RNF213: variants seen among roughly 807,000 people sequenced by gnomAD.
RNF213 encodes the protein ring finger protein 213, also known as E3 ubiquitin-protein ligase RNF213.
Under a neutral mutation model 514.4 loss-of-function variants are expected in RNF213, and 341 were observed. The observed-to-expected ratio is 0.66, with a 90% CI of 0.61 to 0.73. The LOEUF is 0.73. RNF213 is among the 30% of genes least tolerant of loss of function. The pLI is 0.00. For synonymous variants in RNF213, 2,655 were observed against 2,658.2 expected (o/e 1.00, Z 0.04); for missense variants, 5,767 against 6,615.6 (o/e 0.87, Z 4.45).
At chr17:80,304,589 G>A (rs180815319) in intron 11 of RNF213, among the ~76,000 whole-genome samples, 21 of 151,274 alleles carry the variant, frequency 1.4e-4, no homozygotes, top group East Asian at 5.9e-4. Flanking sequence ...GCAGTGAGCC[G>A]AGATCACACC....
Position 80,315,289 on chromosome 17 carries a change from T to C in RNF213, c.2812-1899T>C. On this transcript the variant is annotated intron_variant, in intron 15 of 67. Coordinates refer to ENST00000582970, the MANE Select transcript of RNF213 (RefSeq NM_001256071.3). The stretch of plus-strand genomic sequence containing the variant: ...GAGGTAATGGAGGTGATGGTGGTGG[T>C]GGTGGTGGAGGTAATGGAGGTGATG... Among the ~76,000 whole-genome samples, 3 of 61,036 alleles carry C rather than the reference T, an allele frequency of 4.9e-5. 1 individual carries two copies. The highest frequency in any genetic ancestry group is 6.0e-5 in the Non-Finnish European group (2 of 33,588). 40.0% of individuals were successfully genotyped at this position (61,036 alleles called of 152,430 possible).
chr17:80,371,575 A>G (rs1488015286), intron 46 of RNF213: 1 of 208,506 alleles, frequency 4.8e-6, no homozygotes, highest in Non-Finnish European at 9.6e-6. Context: ...ATAATTCCTA[A>G]TATCATAAAT....
intron 55 of RNF213, chr17:80,379,932 C>G (rs142517970): frequency 2.3e-4 from 133 of 585,460 alleles, no homozygotes; most frequent in African/African-American, 2.3e-3. Context: ...GCAAAGCAGG[C>G]TACCCTTTAA....
At position 80,325,102 on chromosome 17, in the gene RNF213, A is replaced by T; in HGVS notation, c.3097A>T (p.Ile1033Phe). 6.5e-7 allele frequency: 1 copy of T among 1,537,156 alleles called. No individual in the cohort carries two copies. The highest frequency in any genetic ancestry group is 8.7e-7 in the Non-Finnish European group (1 of 1,146,904). ...RKFGIVLSAV[I>F]TKSWPRTADN... ...ATTTGGCATCGTCTTGTCTGCTGTGATCACTAAGTCCTGGCCTAGGACCGC... is the reference window on the plus strand; with the variant it reads ...ATTTGGCATCGTCTTGTCTGCTGTGTTCACTAAGTCCTGGCCTAGGACCGC... The change falls in exon 18 of 68, where the codon ATC becomes TTC. Residue 1033 changes from isoleucine (I) to phenylalanine (F), a missense_variant. Coordinates refer to ENST00000582970, the MANE Select transcript of RNF213 (RefSeq NM_001256071.3).
chr17:80,276,085 A>AT (rs2044044926), intron 3 of RNF213, among the ~76,000 whole-genome samples: 1 of 144,442 alleles, frequency 6.9e-6, no homozygotes, highest in Non-Finnish European at 1.5e-5. Flanking sequence ...TTATTTATTT[A>AT]TTTTTTGTTT....
chr17:80,273,619 T>C (rs2043909365), intron 3 of RNF213, among the ~76,000 whole-genome samples: 1 of 141,286 alleles, frequency 7.1e-6, no homozygotes, highest in African/African-American at 2.9e-5. Flanking sequence ...CCGTCTTTTT[T>C]TTTTTTTTTT....
chr17:80,295,829 G>A lies in RNF213; in HGVS notation c.2012+16G>A, dbSNP rs755899266. The A allele has an allele frequency of 3.1e-6, 5 of 1,613,642 alleles. No homozygotes were observed. The East Asian group carries it at 1.1e-4, about 36-fold the overall frequency. ...TACCTCAGAGGTATTATTATTTTTT[G>A]TCAAAATGTTTTTTATAGCTATTAT... On this transcript the variant is annotated intron_variant, in intron 10 of 67. Transcript: ENST00000582970.
At chr17:80,366,784 C>A (rs1206685429) in intron 42 of RNF213, among the ~76,000 whole-genome samples, 1 of 152,032 alleles carries the variant, frequency 6.6e-6, no homozygotes, top group Admixed American at 6.6e-5. Flanking sequence ...AAAGAAATAC[C>A]CTTGTCAAAC....
At chr17:80,285,300 T>C (rs80129570) in intron 3 of RNF213, among the ~76,000 whole-genome samples, 8,440 of 152,290 alleles carry the variant, frequency 0.055, 340 homozygotes, top group East Asian at 0.2. Flanking sequence ...CCAGCCATTG[T>C]AGCATGGGGT....
At chr17:80,364,381 G>C (rs1329099738) in intron 41 of RNF213, 52 bp from the exon 42 acceptor site, 7 of 1,612,964 alleles carry the variant, frequency 4.3e-6, no homozygotes, top group Non-Finnish European at 5.1e-6. Flanking sequence ...TTCACCCTTG[G>C]GTTCCTTGGT....
chr17:80,384,632 G>A (rs571787570), intron 59 of RNF213, among the ~76,000 whole-genome samples: 2 of 152,236 alleles, frequency 1.3e-5, no homozygotes, highest in African/African-American at 2.4e-5. Flanking sequence ...TCACTACGTC[G>A]AAGATGCTTA....
At position 80,332,580 on chromosome 17, in the gene RNF213, G is replaced by A; in HGVS notation, c.4092G>A (p.Glu1364=). The A allele has an allele frequency of 6.5e-7, 1 of 1,532,870 alleles. No homozygotes were observed. Among genetic ancestry groups the A allele is most frequent in the Non-Finnish European group, 8.7e-7 (1 of 1,143,998 alleles). The allele number at this position is 1,532,870 out of a possible 1,614,324, so 95.0% of individuals were successfully genotyped here. The change falls in exon 21 of 68, where the codon GAG becomes GAA. Residue 1364 remains glutamate (E), a synonymous_variant. Coordinates refer to ENST00000582970, the MANE Select transcript of RNF213 (RefSeq NM_001256071.3). ...CCAAGGTCATCTTGCAGGTCAAAGA[G>A]AGCCTGGGACTGAACGGTGACTTCA... is the stretch of plus-strand genomic sequence containing the variant. ...HAAKVILQVK[E]SLGLNGDFSV...
At chr17:80,295,069 G>A (rs2044885112) in intron 9 of RNF213, 66 bp downstream of exon 9, 13 of 1,590,540 alleles carry the variant, frequency 8.2e-6, no homozygotes, top group Admixed American at 5.0e-5. Flanking sequence ...GCTAGTGGCC[G>A]GATGACCCCT....
intron 20 of RNF213, among the ~76,000 whole-genome samples, chr17:80,330,045 C>G (rs2046372288): frequency 6.6e-6 from 1 of 152,082 alleles, no homozygotes; most frequent in African/African-American, 2.4e-5. Flanking sequence ...GTTTTTTGCT[C>G]TGCTCTTGAG....
At position 80,345,012 on chromosome 17, in the gene RNF213, T is replaced by C; in HGVS notation, c.6677T>C (p.Leu2226Pro). The change falls in exon 29 of 68, where the codon CTC (leucine) becomes CCC (proline). Residue 2226 changes from leucine to proline, a missense_variant. Leu to Pro is a moderately conservative substitution (Grantham distance 98). This residue lies in a region of RNF213 where 1,377 missense variants were observed against 1,635.2 expected (regional missense o/e 0.84). Coordinates refer to ENST00000582970, the MANE Select transcript of RNF213 (RefSeq NM_001256071.3). This position sits in a 1 kb window ranked among gnomAD's most constrained non-coding sequence, Gnocchi z 6.0. ...RNFARFLNYQLRDCEASLFCN... is the reference protein window; with the variant it reads ...RNFARFLNYQPRDCEASLFCN... ...TTTGCTCGGTTCCTGAATTATCAGC[T>C]CAGAGATTGTGAGGCCTCTCTCTTC... 1 of 1,614,150 alleles carries C rather than the reference T, an allele frequency of 6.2e-7. No homozygotes were observed. The highest frequency in any genetic ancestry group is 1.1e-5 in the South Asian group (1 of 91,078).
chr17:80,363,934 G>A, intron 41 of RNF213, 144 bp downstream of exon 41: 1 of 843,040 alleles, frequency 1.2e-6, no homozygotes, highest in Admixed American at 2.0e-5. Flanking sequence ...CTCCGCATTT[G>A]CCGAACCCTT....
Position 80,306,372 on chromosome 17 carries a change from C to G in RNF213, c.2331C>G (p.Phe777Leu). 3 of 1,614,190 alleles carry G rather than the reference C, an allele frequency of 1.9e-6. No homozygotes were observed. The highest frequency in any genetic ancestry group is 2.5e-6 in the Non-Finnish European group (3 of 1,180,044). ...LSHLVMYMENFIEHLGRFPAH... is the reference protein window; with the variant it reads ...LSHLVMYMENLIEHLGRFPAH... ...ACCTGGTTATGTATATGGAAAACTT[C>G]ATTGAGCACCTGGGTCGTTTTCCTG... The change falls in exon 12 of 68, where the codon TTC (phenylalanine) becomes TTG (leucine). Residue 777 changes from phenylalanine (F) to leucine (L), a missense_variant. By Grantham distance (22) the Phe-to-Leu change is conservative (BLOSUM62 0). Transcript: ENST00000582970.
chr17:80,372,891 C>T, intron 48 of RNF213, 84 bp from the exon 49 acceptor site: 1 of 1,454,786 alleles, frequency 6.9e-7, no homozygotes, highest in Non-Finnish European at 9.5e-7. Context: ...GTGGGTAGGT[C>T]CGATGCCCTC....
chr17:80,384,851 C>T (rs1460010137), intron 59 of RNF213, 188 bp from the exon 60 acceptor site: 4 of 679,632 alleles, frequency 5.9e-6, no homozygotes, highest in Non-Finnish European at 1.0e-5. Flanking sequence ...ATTTCTAGCA[C>T]ACTGCACTGT....
Sources: allele counts gnomAD v4.1 joint callset (sites outside exome capture counted in the v4.1 genomes callset), GRCh38; gene constraint gnomAD v4.1.1; regional missense constraint gnomAD v4.1.1; non-coding constraint Gnocchi (gnomAD v3.1); transcripts MANE v1.5; gene names NCBI Gene and HGNC (gene_info 2026-07-23, HGNC 2026-07-21).